CLNS1A: variants seen among roughly 807,000 people sequenced by gnomAD.
CLNS1A encodes chloride nucleotide-sensitive channel 1A.
Under a neutral mutation model 29.4 loss-of-function variants are expected in CLNS1A, and 16 were observed. The ratio of observed to expected loss-of-function variants is 0.54; its 90% CI spans 0.37 to 0.83. CLNS1A has a LOEUF of 0.83. CLNS1A is among the 40% of genes least tolerant of loss of function. The pLI is 0.00. For synonymous variants in CLNS1A, 96 were observed against 104.8 expected (o/e 0.92, Z 0.51); for missense variants, 235 against 287.4 (o/e 0.82, Z 1.32).
At chr11:77,618,330 G>T (rs1272102161) in intron 6 of CLNS1A, among the ~76,000 whole-genome samples, 1 of 152,166 alleles carries the variant, frequency 6.6e-6, no homozygotes, top group Non-Finnish European at 1.5e-5. Context: ...GATATCAAAG[G>T]ATTTCCCATG....
In CLNS1A at chr11:77,614,617, G is replaced by C. The variant is rs1166566316; in HGVS notation, c.*2101C>G. The C allele has an allele frequency of 6.6e-6, 1 of 152,314 alleles. No individual in the cohort carries two copies. The highest frequency in any genetic ancestry group is 1.5e-5 in the Non-Finnish European group (1 of 68,126). 9.4% of individuals were successfully genotyped at this position (152,314 alleles called of 1,614,324 possible). A position where few individuals can be genotyped will look rare whatever the true frequency, so the allele number is the denominator to read the frequency against. ...CCACCTGAGCCTCCCAAAGTGCTGGGATTACAGGTGTGAGCCACCACGTCC... is the reference window on the plus strand; with the variant it reads ...CCACCTGAGCCTCCCAAAGTGCTGGCATTACAGGTGTGAGCCACCACGTCC... On this transcript the variant is annotated 3_prime_UTR_variant, in exon 7 of 7. Transcript: ENST00000525428.
chr11:77,637,643 C>T lies in CLNS1A; in HGVS notation c.72G>A (p.Glu24=). The T allele has an allele frequency of 6.3e-7, 1 of 1,587,110 alleles. No homozygotes were observed. Among genetic ancestry groups the T allele is most frequent in the Non-Finnish European group, 8.6e-7 (1 of 1,167,366 alleles). Residue 24 remains glutamate (E), a synonymous_variant, in exon 1 of 7, where the codon GAG becomes GAA. Transcript: ENST00000525428. ...EGLLRQQPDT[E]AVLNGKGLGT... ...CGAGGCCCTTCCCGTTCAGCACAGC[C>T]TCAGTGTCTGGCTGCTGCCGCAGGA... is the stretch of plus-strand genomic sequence containing the variant.
chr11:77,634,529 G>T (rs1373096073), intron 1 of CLNS1A, among the ~76,000 whole-genome samples: 1 of 152,026 alleles, frequency 6.6e-6, no homozygotes, highest in Non-Finnish European at 1.5e-5. Flanking sequence ...TTTGAGACCA[G>T]CCTGGCCAAC....
At chr11:77,628,453 T>C (rs1348003659) in intron 2 of CLNS1A, among the ~76,000 whole-genome samples, 1 of 152,206 alleles carries the variant, frequency 6.6e-6, no homozygotes, top group African/African-American at 2.4e-5. Context: ...TTAACAGCCT[T>C]TTACTTTTCC....
intron 5 of CLNS1A, among the ~76,000 whole-genome samples, chr11:77,621,126 G>A (rs1420087537): frequency 6.6e-6 from 1 of 151,968 alleles, no homozygotes; most frequent in Non-Finnish European, 1.5e-5. Context: ...GTGAAACCCC[G>A]TCTCTACAAA....
chr11:77,635,103 G>A (rs1024469036), intron 1 of CLNS1A, among the ~76,000 whole-genome samples: 1 of 152,140 alleles, frequency 6.6e-6, no homozygotes, highest in African/African-American at 2.4e-5. Context: ...CCTTGCCCAG[G>A]CTAAGAATTT....
chr11:77,628,060 G>A (rs1959039019), intron 2 of CLNS1A, among the ~76,000 whole-genome samples: 1 of 152,162 alleles, frequency 6.6e-6, no homozygotes, highest in African/African-American at 2.4e-5. Flanking sequence ...TCTTGACCTT[G>A]TGATCTGCCC....
chr11:77,627,437 C>CA (rs1426985403), intron 2 of CLNS1A, among the ~76,000 whole-genome samples: 34 of 121,858 alleles, frequency 2.8e-4, no homozygotes, highest in Non-Finnish European at 3.6e-4. Flanking sequence ...GACTCCATCT[C>CA]AAAAAAAAAG....
chr11:77,615,439 G>A lies in CLNS1A; in HGVS notation c.*1279C>T, dbSNP rs926615586. On this transcript the variant is annotated 3_prime_UTR_variant, in exon 7 of 7. Coordinates refer to ENST00000525428, the MANE Select transcript of CLNS1A (RefSeq NM_001293.3). The stretch of plus-strand genomic sequence containing the variant: ...CAATTCACTATCTACATGACCTTAA[G>A]CAAGTTATTTTACCTCTCTCTATAA... 1.3e-5 allele frequency: 2 copies of A among 152,140 alleles called. No homozygotes were observed. Among genetic ancestry groups the A allele is most frequent in the African/African-American group, 2.4e-5 (1 of 41,412 alleles). The allele number at this position is 152,140 out of a possible 1,614,324, so 9.4% of individuals were successfully genotyped here.
intron 3 of CLNS1A, 82 bp downstream of exon 3, chr11:77,625,635 G>C: frequency 8.7e-7 from 1 of 1,155,036 alleles, no homozygotes; most frequent in Non-Finnish European, 1.2e-6. Flanking sequence ...TGAGAGGTGT[G>C]TGTGTGTGTG....
At chr11:77,630,919 C>A (rs1463560074) in intron 1 of CLNS1A, among the ~76,000 whole-genome samples, 2 of 152,134 alleles carry the variant, frequency 1.3e-5, no homozygotes, top group East Asian at 3.9e-4. Flanking sequence ...TTGCACAATT[C>A]TGTAAACAGA....
intron 3 of CLNS1A, 91 bp from the exon 4 acceptor site, chr11:77,625,161 C>A: frequency 1.2e-6 from 1 of 826,110 alleles, no homozygotes; most frequent in East Asian, 2.6e-5. Flanking sequence ...CAAAACGCCA[C>A]AGTATTTACA....
intron 4 of CLNS1A, 22 bp downstream of exon 4, chr11:77,624,941 C>G (rs781335875): frequency 8.5e-6 from 13 of 1,524,582 alleles, no homozygotes; most frequent in Non-Finnish European, 1.0e-5. Context: ...AAAAAACCCA[C>G]TTTAAAATCC....
At chr11:77,622,380 GC>G (rs34842951) in intron 5 of CLNS1A, 119 bp downstream of exon 5, 88,552 of 692,994 alleles carry the variant, frequency 0.13, 6,525 homozygotes, top group Admixed American at 0.21. Flanking sequence ...TTCTGTATCT[GC>G]TTCCTATACT....
In CLNS1A at chr11:77,629,824, G is replaced by C; in HGVS notation, c.201C>G (p.Ser67=). The C allele has an allele frequency of 6.2e-7, 1 of 1,613,772 alleles. No homozygotes were observed. The highest frequency in any genetic ancestry group is 8.5e-7 in the Non-Finnish European group (1 of 1,179,826). The change falls in exon 2 of 7, where the codon TCC becomes TCG. Residue 67 remains serine, a synonymous_variant. Transcript: ENST00000525428. ...EYPTISLHAL[S]RDRSDCLGEH... is the part of the protein sequence containing the mutation. ...CTCCTAGACAGTCACTTCGGTCCCT[G>C]GATAATGCATGTAAACTAATGGTGG...
intron 1 of CLNS1A, among the ~76,000 whole-genome samples, chr11:77,633,891 G>A (rs2135778722): frequency 6.6e-6 from 1 of 152,070 alleles, no homozygotes; most frequent in Non-Finnish European, 1.5e-5. Context: ...ATCTAAGTTC[G>A]GGAGTTTGAG....
At chr11:77,635,098 C>T (rs1959111010) in intron 1 of CLNS1A, among the ~76,000 whole-genome samples, 1 of 152,172 alleles carries the variant, frequency 6.6e-6, no homozygotes, top group African/African-American at 2.4e-5. Flanking sequence ...AGCCACCTTG[C>T]CCAGGCTAAG....
In CLNS1A at chr11:77,637,664, C is replaced by T; in HGVS notation, c.51G>A (p.Leu17=). ...CAGCCTCAGTGTCTGGCTGCTGCCGCAGGAGCCCCTCCGCTGGCCCAGGCG... is the reference window on the plus strand; with the variant it reads ...CAGCCTCAGTGTCTGGCTGCTGCCGTAGGAGCCCCTCCGCTGGCCCAGGCG... ...FPPPGPAEGL[L]RQQPDTEAVL... The change falls in exon 1 of 7, where the codon CTG becomes CTA. Residue 17 remains leucine, a synonymous_variant. Transcript: ENST00000525428. 1 of 1,573,406 alleles carries T rather than the reference C, an allele frequency of 6.4e-7. No individual in the cohort carries two copies. Among genetic ancestry groups the T allele is most frequent in the Non-Finnish European group, 8.6e-7 (1 of 1,159,934 alleles).
In CLNS1A at chr11:77,616,436, G is replaced by A. The variant is rs1958906375; in HGVS notation, c.*282C>T. The A allele has an allele frequency of 6.6e-6, 1 of 152,552 alleles. No homozygotes were observed. Among genetic ancestry groups the A allele is most frequent in the Non-Finnish European group, 1.5e-5 (1 of 68,030 alleles). 9.4% of individuals were successfully genotyped at this position (152,552 alleles called of 1,614,324 possible). A position where few individuals can be genotyped will look rare whatever the true frequency, so the allele number is the denominator to read the frequency against. The stretch of plus-strand genomic sequence containing the variant: ...GCACACAGTCAAGGTAGGAATTATA[G>A]GCCTACTCAGAGGGTACCCAGACAC... On this transcript the variant is annotated 3_prime_UTR_variant, in exon 7 of 7. Coordinates refer to ENST00000525428, the MANE Select transcript of CLNS1A (RefSeq NM_001293.3).
Sources: gnomAD v4.1 joint callset for allele counts (sites outside exome capture counted in the v4.1 genomes callset) on GRCh38, gnomAD v4.1.1 for gene constraint, MANE v1.5 for transcripts, NCBI Gene and HGNC (gene_info 2026-07-23, HGNC 2026-07-21) for gene names.